HCFC1: variants seen among roughly 807,000 people sequenced by gnomAD.
HCFC1 encodes host cell factor C1.
A neutral mutation model predicts 105.5 loss-of-function variants in HCFC1; 7 were observed. That is an observed-to-expected ratio of 0.07 (90% CI 0.04 to 0.12). The LOEUF is 0.12. HCFC1 is among the 10% of genes least tolerant of loss of function. HCFC1 has a pLI of 1.00. For missense variants in HCFC1, 1,065 were observed against 1,823.6 expected, an observed-to-expected ratio of 0.58 and a Z score of 7.58; for synonymous variants, 918 against 828.1, an observed-to-expected ratio of 1.11 and a Z score of -1.86.
Position 153,954,932 on chromosome X carries a change from A to G in HCFC1, c.3467T>C (p.Leu1156Pro). 1.7e-6 allele frequency: 2 copies of G among 1,188,098 alleles called. No homozygotes were observed. Among genetic ancestry groups the G allele is most frequent in the Non-Finnish European group, 2.3e-6 (2 of 885,711 alleles). The change falls in exon 17 of 26, where the codon CTG (leucine) becomes CCG (proline). Residue 1156 changes from leucine to proline, a missense_variant. Physicochemically the swap from Leu to Pro is moderately conservative, Grantham distance 98. Around this residue, in one of 17 missense-constraint regions of HCFC1, gnomAD observed 546 missense variants for 599.9 expected, o/e 0.91. Transcript: ENST00000310441. ...VIRISVATGA[L>P]EAAQGSKSQC... ...GGACTTAGAGCCCTGGGCTGCCTCC[A>G]GCGCCCCAGTGGCCACACTGATCCG...
rs782063957 is a variant in HCFC1 at position 153,964,668 on chromosome X, G to C, written c.252C>G (p.Ala84=). ...GAGTCCCGTCACACACGAAGCCATA[G>C]GCTGCACACCCAGGGGGAATGTCCC... is the stretch of plus-strand genomic sequence containing the variant. ...VRGDIPPGCA[A]YGFVCDGTRL... The change falls in exon 2 of 26, where the codon GCC becomes GCG. Residue 84 remains alanine (A), a synonymous_variant. Coordinates refer to ENST00000310441, the MANE Select transcript of HCFC1 (RefSeq NM_005334.3). 8.3e-7 allele frequency: 1 copy of C among 1,202,225 alleles called. No homozygotes were observed. The highest frequency in any genetic ancestry group is 1.8e-5 in the South Asian group (1 of 54,554).
rs1386462309 is a variant in HCFC1, at chrX:153,955,506, C to T, written c.2893G>A (p.Ala965Thr). ...SQPTQVTLIT[A>T]PSGVEAQPVH... ...GGCTGGGCCTCCACCCCACTAGGTG[C>T]CGTGATCAGAGTTACCTGGGTGGGC... The change falls in exon 17 of 26, where the codon GCA becomes ACA. Residue 965 changes from alanine to threonine, a missense_variant. Physicochemically the swap from Ala to Thr is moderately conservative, Grantham distance 58. Transcript: ENST00000310441. 8.5e-7 allele frequency: 1 copy of T among 1,177,333 alleles called. No homozygotes were observed.
intron 5 of HCFC1, among the ~76,000 whole-genome samples, 182 bp downstream of exon 5, chrX:153,962,040 G>A (rs1291419116): frequency 3.6e-5 from 4 of 111,524 alleles, no homozygotes; most frequent in Non-Finnish European, 7.5e-5. Flanking sequence ...TCTCCCCCCT[G>A]AATCTGTCTT....
At chrX:153,968,579 C>G (rs1400869982) in intron 1 of HCFC1, among the ~76,000 whole-genome samples, 1 of 112,355 alleles carries the variant, frequency 8.9e-6, no homozygotes, top group Non-Finnish European at 1.9e-5. Context: ...TTTAAGCAGC[C>G]CTTTGGAAGG....
intron 1 of HCFC1, 99 bp downstream of exon 1, chrX:153,970,549 G>A (rs1289935854): frequency 2.4e-5 from 13 of 538,655 alleles, no homozygotes; most frequent in Middle Eastern, 3.5e-4. Context: ...AGGGAGGGAG[G>A]AGAGGGAGGG....
rs1190920734 is a variant in HCFC1, at chrX:153,948,590, C to G, written c.*757G>C. 1 of 113,694 alleles carries G rather than the reference C, an allele frequency of 8.8e-6. No homozygotes were observed. Among genetic ancestry groups the G allele is most frequent in the East Asian group, 2.7e-4 (1 of 3,640 alleles). The allele number at this position is 113,694 out of a possible 1,213,427, so 9.4% of individuals were successfully genotyped here. On this transcript the variant is annotated 3_prime_UTR_variant, in exon 26 of 26. Transcript: ENST00000310441. ...CAAAAAAGGGACAAAACCCCACACG[C>G]TAAAATTACAATGAAAGTGTGAACT...
chrX:153,953,057 C>G (rs1557113141), intron 18 of HCFC1, 99 bp from the exon 19 acceptor site: 1 of 667,544 alleles, frequency 1.5e-6, no homozygotes, highest in Admixed American at 2.6e-5. Flanking sequence ...GTAGTCAGAG[C>G]CCTTGGGGCA....
intron 4 of HCFC1, among the ~76,000 whole-genome samples, chrX:153,962,707 G>A (rs1427403478): frequency 8.9e-6 from 1 of 112,108 alleles, no homozygotes; most frequent in Non-Finnish European, 1.9e-5. Context: ...TGCCGACTCT[G>A]ATCTATAGGA....
Position 153,971,818 on chromosome X carries a change from T to C in HCFC1, c.-978A>G, listed in dbSNP as rs782149014. 3.2e-4 allele frequency: 92 copies of C among 290,135 alleles called. No homozygotes were observed. The highest frequency in any genetic ancestry group is 2.8e-3 in the Middle Eastern group (3 of 1,077). 23.9% of individuals were successfully genotyped at this position (290,135 alleles called of 1,213,427 possible). ...CCTCCCTGGGAGCCGCCATCTTGTG[T>C]GAAGAAGTAACAACTAAACATGGCG... On this transcript the variant is annotated 5_prime_UTR_variant, in exon 1 of 26. Transcript: ENST00000310441.
chrX:153,949,227 G>C lies in HCFC1; in HGVS notation c.*120C>G, dbSNP rs1231899291. 7.9e-6 allele frequency: 4 copies of C among 505,716 alleles called. No individual in the cohort carries two copies. In the East Asian group the frequency reaches 1.4e-4, roughly 18 times the overall value. The allele number at this position is 505,716 out of a possible 1,213,427, so 41.7% of individuals were successfully genotyped here. A position where few individuals can be genotyped will look rare whatever the true frequency, so the allele number is the denominator to read the frequency against. On this transcript the variant is annotated 3_prime_UTR_variant, in exon 26 of 26. Transcript: ENST00000310441. ...AGAGAAAGAGAAAGGGGAGAGGAGT[G>C]AACAGCGGCTCGCGAGGGTGAAGTG... is the stretch of plus-strand genomic sequence containing the variant.
chrX:153,949,257 T>C lies in HCFC1; in HGVS notation c.*90A>G. 2 of 541,073 alleles carry C rather than the reference T, an allele frequency of 3.7e-6. No individual in the cohort carries two copies. Among genetic ancestry groups the C allele is most frequent in the South Asian group, 2.6e-5 (1 of 38,622 alleles). The allele number at this position is 541,073 out of a possible 1,213,427, so 44.6% of individuals were successfully genotyped here. A position where few individuals can be genotyped will look rare whatever the true frequency, so the allele number is the denominator to read the frequency against. ...GCGGCTCGCGAGGGTGAAGTGCGAA[T>C]GCTGGGACGGGGTGGGAGGGGTGGG... On this transcript the variant is annotated 3_prime_UTR_variant, in exon 26 of 26. Transcript: ENST00000310441.
In HCFC1 at chrX:153,952,076, C is replaced by T. The variant is rs1265750311; in HGVS notation, c.5025G>A (p.Gln1675=). The T allele has an allele frequency of 1.7e-6, 2 of 1,169,487 alleles. No homozygotes were observed. Among genetic ancestry groups the T allele is most frequent in the African/African-American group, 3.5e-5 (2 of 56,830 alleles). The change falls in exon 20 of 26, where the codon CAG becomes CAA. Residue 1675 remains glutamine, a synonymous_variant. Coordinates refer to ENST00000310441, the MANE Select transcript of HCFC1 (RefSeq NM_005334.3). Reference sequence around the variant, plus strand: ...TGGGTATGGTGGTGGCCTGGCCCTCCTGACCCTCGGCCGACAGGTGCCCCA... The same window carrying T: ...TGGGTATGGTGGTGGCCTGGCCCTCTTGACCCTCGGCCGACAGGTGCCCCA... ...AELGHLSAEG[Q]EGQATTIPIV... is the part of the protein sequence containing the mutation.
At chrX:153,957,175 T>C in intron 13 of HCFC1, 115 bp from the exon 14 acceptor site, 1 of 994,506 alleles carries the variant, frequency 1.0e-6, no homozygotes, top group African/African-American at 1.9e-5. Flanking sequence ...ATCTCCTCAC[T>C]ACCCTTAGAC....
chrX:153,961,020 T>C (rs632), intron 6 of HCFC1, among the ~76,000 whole-genome samples: 42,633 of 111,352 alleles, frequency 0.38, 8,008 homozygotes, highest in East Asian at 0.76. Flanking sequence ...CGGGTGGAGA[T>C]GGTGCAAGGA....
intron 1 of HCFC1, 120 bp downstream of exon 1, chrX:153,970,528 G>A: frequency 4.2e-6 from 2 of 476,432 alleles, no homozygotes; most frequent in Admixed American, 4.4e-5. Flanking sequence ...AGAGGGTGAG[G>A]GAGGAGATGG....
chrX:153,959,254 T>C (rs2065406330), intron 9 of HCFC1, 77 bp downstream of exon 9: 1 of 1,033,462 alleles, frequency 9.7e-7, no homozygotes, highest in Non-Finnish European at 1.3e-6. Flanking sequence ...GAGAGGGATG[T>C]GAACCCCTCA....
In HCFC1 at chrX:153,964,126, T is replaced by C; in HGVS notation, c.501A>G (p.Pro167=). The part of the protein sequence containing the change: ...NDSEDPKNNI[P]RYLNDLYILE... The stretch of plus-strand genomic sequence containing the variant: ...CAGAGAAAAGGACCAAGCCTCACCT[T>C]GGAATGTTGTTCTTTGGGTCCTCGC... Residue 167 remains proline (P), a splice_region_variant and synonymous_variant, in exon 3 of 26, where the codon CCA becomes CCG. Transcript: ENST00000310441. The C allele has an allele frequency of 3.3e-6, 4 of 1,198,436 alleles. No homozygotes were observed. Among genetic ancestry groups the C allele is most frequent in the Non-Finnish European group, 4.5e-6 (4 of 887,148 alleles).
rs12388844 is a variant in HCFC1 at position 153,963,156 on chromosome X, C to T, written c.712+69G>A. On this transcript the variant is annotated intron_variant, in intron 4 of 25. Transcript: ENST00000310441. ...CCCACCTCACCATACAACAGCGCCA[C>T]CCACGGGGCCAGCCAAGAGGCAGAC... The T allele has an allele frequency of 0.042, 35,308 of 841,322 alleles. 6,419 individuals are homozygous for T. The African/African-American group carries it at 0.57, about 14-fold the overall frequency. The allele number at this position is 841,322 out of a possible 1,213,427, so 69.3% of individuals were successfully genotyped here.
intron 17 of HCFC1, 75 bp downstream of exon 17, chrX:153,953,991 C>A: frequency 9.1e-7 from 1 of 1,097,996 alleles, no homozygotes; most frequent in South Asian, 2.1e-5. Context: ...GGACGGACCC[C>A]CGCCATCGTT....
Sources: allele counts gnomAD v4.1 joint callset (sites outside exome capture counted in the v4.1 genomes callset), GRCh38; gene constraint gnomAD v4.1.1; regional missense constraint gnomAD v4.1.1; transcripts MANE v1.5; gene names NCBI Gene and HGNC (gene_info 2026-07-23, HGNC 2026-07-21).